Variants in SMG6 observed in about 807,000 individuals in gnomAD.
SMG6 encodes the protein SMG6 nonsense mediated mRNA decay factor.
Under a neutral mutation model 142.2 loss-of-function variants are expected in SMG6, and 66 were observed. The observed-to-expected ratio is 0.46, with a 90% CI of 0.38 to 0.57. The LOEUF (loss-of-function observed/expected upper bound fraction) is 0.57. Ranked by LOEUF, SMG6 falls within the 20% of genes least tolerant of loss-of-function variation. The pLI is 0.00. For missense variants in SMG6, 1,793 were observed against 1,832.0 expected, an observed-to-expected ratio of 0.98 and a Z score of 0.39; for synonymous variants, 779 against 702.4, an observed-to-expected ratio of 1.11 and a Z score of -1.72.
At chr17:2,222,691 T>C (rs1308036473) in intron 10 of SMG6, among the ~76,000 whole-genome samples, 1 of 152,092 alleles carries the variant, frequency 6.6e-6, no homozygotes, top group Non-Finnish European at 1.5e-5. Context: ...TGTGTGTGCA[T>C]GTTTGGGAAG....
At chr17:2,159,308 T>TAA (rs2071102926) in intron 13 of SMG6, among the ~76,000 whole-genome samples, 1 of 152,080 alleles carries the variant, frequency 6.6e-6, no homozygotes, top group East Asian at 1.9e-4. Context: ...GCTACAGCTG[T>TAA]AATCCCAGCT....
In SMG6 at chr17:2,299,299, G is replaced by C. The variant is rs770204624; in HGVS notation, c.1454C>G (p.Pro485Arg). 1 of 1,614,056 alleles carries C rather than the reference G, an allele frequency of 6.2e-7. No individual in the cohort carries two copies. Among genetic ancestry groups the C allele is most frequent in the East Asian group, 2.2e-5 (1 of 44,870 alleles). ...HFLDTDDEVS[P>R]TSWGDSRQAQ... ...CTGGCGTGAGTCACCCCAAGATGTAGGGCTGACTTCATCATCAGTGTCCAA... is the reference window on the plus strand; with the variant it reads ...CTGGCGTGAGTCACCCCAAGATGTACGGCTGACTTCATCATCAGTGTCCAA... The change falls in exon 2 of 19, where the codon CCT (proline) becomes CGT (arginine). Residue 485 changes from proline (P) to arginine (R), a missense_variant. Around this residue, in one of 3 missense-constraint regions of SMG6, gnomAD observed 1,597 missense variants for 1,584.6 expected, o/e 1.01. Transcript: ENST00000263073. The surrounding 1 kb of genome is among the most constrained non-coding windows in gnomAD (Gnocchi z 4.3).
chr17:2,159,186 C>T lies in SMG6; in HGVS notation c.3357+13472G>A, dbSNP rs184708579. Among the ~76,000 whole-genome samples, 925 of 152,162 alleles carry T rather than the reference C, an allele frequency of 6.1e-3. 6 individuals are homozygous for T. Among genetic ancestry groups the T allele is most frequent in the Non-Finnish European group, 0.011 (718 of 68,006 alleles). ...CTGTAATCTCAGCACTTTGGGAGGCCGAGGCGGGTGGATCATTTGAGGTCA... is the reference window on the plus strand; with the variant it reads ...CTGTAATCTCAGCACTTTGGGAGGCTGAGGCGGGTGGATCATTTGAGGTCA... On this transcript the variant is annotated intron_variant, in intron 13 of 18. Coordinates refer to ENST00000263073, the MANE Select transcript of SMG6 (RefSeq NM_017575.5).
chr17:2,166,322 C>G (rs2071337520), intron 13 of SMG6, among the ~76,000 whole-genome samples: 1 of 152,048 alleles, frequency 6.6e-6, no homozygotes, highest in South Asian at 2.1e-4. Context: ...ATCGTAGAAA[C>G]TAGAGCTGAG....
chr17:2,119,778 C>T (rs1457000567), intron 13 of SMG6, among the ~76,000 whole-genome samples: 6 of 152,228 alleles, frequency 3.9e-5, no homozygotes, highest in Non-Finnish European at 7.3e-5. Context: ...TCTCCTGCCT[C>T]AGCCTCCCAA....
intron 8 of SMG6, among the ~76,000 whole-genome samples, chr17:2,255,130 C>T (rs189985666): frequency 3.3e-5 from 5 of 151,772 alleles, no homozygotes; most frequent in South Asian, 2.1e-4. Flanking sequence ...TTCGGCCGGG[C>T]GCGGTGGCTC....
At chr17:2,109,137 G>A (rs767642986) in intron 13 of SMG6, among the ~76,000 whole-genome samples, 1 of 152,210 alleles carries the variant, frequency 6.6e-6, no homozygotes, top group Non-Finnish European at 1.5e-5. Flanking sequence ...TTTTTCTGCA[G>A]GTTGTCCTGG....
chr17:2,258,556 CAAA>C (rs546129106), intron 8 of SMG6, among the ~76,000 whole-genome samples: 2 of 88,252 alleles, frequency 2.3e-5, no homozygotes, highest in African/African-American at 5.3e-5. Flanking sequence ...GACTCTGTCT[CAAA>C]AAAAAAAAAA....
At chr17:2,242,689 TAAAAA>T (rs57079220) in intron 9 of SMG6, among the ~76,000 whole-genome samples, 7 of 55,850 alleles carry the variant, frequency 1.3e-4, no homozygotes, top group South Asian at 8.3e-4. Flanking sequence ...TCCATCTCTT[TAAAAA>T]AAAAAAAAAA....
At chr17:2,150,081 C>G (rs905442169) in intron 13 of SMG6, among the ~76,000 whole-genome samples, 3 of 152,206 alleles carry the variant, frequency 2.0e-5, no homozygotes, top group African/African-American at 7.2e-5. Flanking sequence ...TTGTTAGGAA[C>G]TGGGCCGCAC....
At chr17:2,266,009 T>G (rs1364573751) in intron 8 of SMG6, 3 of 985,320 alleles carry the variant, frequency 3.0e-6, no homozygotes, top group Non-Finnish European at 3.6e-6. Context: ...GCTTTAGGTT[T>G]TCTTCTGAAT....
At chr17:2,211,188 AAAG>A (rs985045092) in intron 10 of SMG6, among the ~76,000 whole-genome samples, 2 of 152,112 alleles carry the variant, frequency 1.3e-5, no homozygotes, top group African/African-American at 4.8e-5. Flanking sequence ...TGAAAGAAAA[AAAG>A]AAGTTAACAA....
intron 13 of SMG6, chr17:2,087,229 AGACG>A (rs2068588566): frequency 3.9e-6 from 5 of 1,289,854 alleles, no homozygotes; most frequent in Non-Finnish European, 3.0e-6. Flanking sequence ...CTCACAGTAA[AGACG>A]GACAGCCCAG....
At position 2,085,585 on chromosome 17, in the gene SMG6, A is replaced by G; in HGVS notation, c.3534+140T>C. 1 of 840,488 alleles carries G rather than the reference A, an allele frequency of 1.2e-6. No homozygotes were observed. Among genetic ancestry groups the G allele is most frequent in the Middle Eastern group, 3.7e-4 (1 of 2,698 alleles). The allele number at this position is 840,488 out of a possible 1,614,324, so 52.1% of individuals were successfully genotyped here. A position where few individuals can be genotyped will look rare whatever the true frequency, so the allele number is the denominator to read the frequency against. ...GCAGGAAGGGGCACCATCAGAGCAC[A>G]CTCTCGAGAAGCTGGCTGGTCACAT... On this transcript the variant is annotated intron_variant, in intron 14 of 18. Coordinates refer to ENST00000263073, the MANE Select transcript of SMG6 (RefSeq NM_017575.5). The surrounding 1 kb of genome is among the most constrained non-coding windows in gnomAD (Gnocchi z 4.1).
intron 4 of SMG6, among the ~76,000 whole-genome samples, chr17:2,295,168 C>T (rs961872372): frequency 2.0e-5 from 3 of 152,072 alleles, no homozygotes; most frequent in Admixed American, 1.3e-4. Context: ...TGAGCCACTG[C>T]GCCCAGCCAA....
intron 11 of SMG6, among the ~76,000 whole-genome samples, chr17:2,187,460 C>G (rs34493815): frequency 6.6e-6 from 1 of 151,980 alleles, no homozygotes; most frequent in African/African-American, 2.4e-5. Context: ...TGTTGACTTC[C>G]GATTTTGATA....
chr17:2,244,736 G>C lies in SMG6; in HGVS notation c.2662-17C>G. 1 of 1,608,924 alleles carries C rather than the reference G, an allele frequency of 6.2e-7. No individual in the cohort carries two copies. The highest frequency in any genetic ancestry group is 8.5e-7 in the Non-Finnish European group (1 of 1,175,426). ...TTTGTTCAGCTGCATGGGAAAAAGG[G>C]AGAGGAGAAAACAATTAAACTTTCC... is the stretch of plus-strand genomic sequence containing the variant. On this transcript the variant is annotated splice_polypyrimidine_tract_variant and intron_variant, in intron 8 of 18. Transcript: ENST00000263073.
rs750486570 is a variant in SMG6, at chr17:2,299,627, C to T, written c.1126G>A (p.Gly376Arg). Residue 376 changes from glycine (G) to arginine (R), a missense_variant, in exon 2 of 19, where the codon GGA becomes AGA. Physicochemically the swap from Gly to Arg is moderately radical, Grantham distance 125. This residue lies in a region of SMG6 where 1,597 missense variants were observed against 1,584.6 expected (regional missense o/e 1.01). Transcript: ENST00000263073. This position sits in a 1 kb window ranked among gnomAD's most constrained non-coding sequence, Gnocchi z 4.3. Reference sequence around the variant, plus strand: ...CTGCTCAAGCCTTTGTCAGGCTTTCCTCTATCCATATCATCCCTGGCTGAC... The same window carrying T: ...CTGCTCAAGCCTTTGTCAGGCTTTCTTCTATCCATATCATCCCTGGCTGAC... ...VRSARDDMDRGKPDKGLSSGG... is the reference protein window; with the variant it reads ...VRSARDDMDRRKPDKGLSSGG... The T allele has an allele frequency of 6.2e-7, 1 of 1,614,194 alleles. No individual in the cohort carries two copies. Among genetic ancestry groups the T allele is most frequent in the South Asian group, 1.1e-5 (1 of 91,086 alleles).
intron 13 of SMG6, among the ~76,000 whole-genome samples, chr17:2,140,560 T>C (rs2070445887): frequency 6.6e-6 from 1 of 151,556 alleles, no homozygotes; most frequent in Non-Finnish European, 1.5e-5. Flanking sequence ...TTGTCCCAGC[T>C]ACTTGGGAGG....
Sources: gnomAD v4.1 joint callset for allele counts (sites outside exome capture counted in the v4.1 genomes callset) on GRCh38, gnomAD v4.1.1 for gene constraint, gnomAD v4.1.1 regional missense constraint, Gnocchi (gnomAD v3.1) non-coding constraint, MANE v1.5 for transcripts, NCBI Gene and HGNC (gene_info 2026-07-23, HGNC 2026-07-21) for gene names.